PARP1: variants seen among roughly 807,000 people sequenced by gnomAD.
PARP1 encodes poly(ADP-ribose) polymerase 1.
In PARP1, 44 loss-of-function variants were observed where a neutral mutation model predicts 118.7. That is an observed-to-expected ratio of 0.37 (90% CI 0.29 to 0.48). The LOEUF (loss-of-function observed/expected upper bound fraction) is 0.48, where lower values mean the gene tolerates loss of function less well. Among genes scored for constraint, PARP1 ranks in the 20% least tolerant of loss-of-function variants. PARP1 has a pLI of 0.99. For synonymous variants in PARP1, 492 were observed against 483.2 expected (o/e 1.02, Z -0.24); for missense variants, 1,100 against 1,272.4 (o/e 0.86, Z 2.06).
At chr1:226,376,561 A>C (rs1664491426) in intron 13 of PARP1, among the ~76,000 whole-genome samples, 2 of 152,238 alleles carry the variant, frequency 1.3e-5, no homozygotes, top group African/African-American at 4.8e-5. Context: ...GGAGTAACTG[A>C]AAAGACTGTT....
intron 1 of PARP1, among the ~76,000 whole-genome samples, chr1:226,403,868 C>T (rs1665087001): frequency 6.6e-6 from 1 of 152,176 alleles, no homozygotes; most frequent in Non-Finnish European, 1.5e-5. Context: ...AGTAAATGTG[C>T]TGAATTTTTA....
rs1576399822 is a variant in PARP1 at position 226,390,396 on chromosome 1, A to C, written c.617+14T>G. The C allele has an allele frequency of 1.9e-6, 3 of 1,611,830 alleles. No homozygotes were observed. The highest frequency in any genetic ancestry group is 1.7e-6 in the Non-Finnish European group (2 of 1,179,104). ...CACTGAACCCCCAGGGCAACCCCGC[A>C]GTGCTCCACCCACCCTTCACTCTTG... On this transcript the variant is annotated intron_variant, in intron 4 of 22. Coordinates refer to ENST00000366794, the MANE Select transcript of PARP1 (RefSeq NM_001618.4).
At chr1:226,404,121 C>CTATG (rs1435050981) in intron 1 of PARP1, among the ~76,000 whole-genome samples, 1 of 152,174 alleles carries the variant, frequency 6.6e-6, no homozygotes, top group African/African-American at 2.4e-5. Flanking sequence ...TCACTAAGAA[C>CTATG]TATGCATTTG....
chr1:226,400,235 G>C (rs965639514), intron 2 of PARP1, among the ~76,000 whole-genome samples: 1 of 152,140 alleles, frequency 6.6e-6, no homozygotes, highest in Admixed American at 6.5e-5. Context: ...GGAGGCGGAG[G>C]TGGCAGTGAG....
At chr1:226,362,315 A>C in intron 21 of PARP1, 1 of 493,196 alleles carries the variant, frequency 2.0e-6, no homozygotes, top group Non-Finnish European at 3.7e-6. Context: ...CCTCCTGAGT[A>C]GCTGGGATTA....
chr1:226,407,395 T>A (rs1215694588), intron 1 of PARP1, among the ~76,000 whole-genome samples: 2 of 146,500 alleles, frequency 1.4e-5, no homozygotes, highest in East Asian at 2.0e-4. Context: ...AAAACCCACA[T>A]GTCAGTCGCC....
chr1:226,399,359 C>T (rs1237133628), intron 2 of PARP1, among the ~76,000 whole-genome samples: 1 of 151,896 alleles, frequency 6.6e-6, no homozygotes, highest in Non-Finnish European at 1.5e-5. Context: ...TGTGAGCCAC[C>T]GTGCCCGGCT....
rs888504826 is a variant in PARP1, at chr1:226,370,651, C to T, written c.2071-134G>A. ...GCCTGCTGGGATTTCCTGAGGACACCAGTGACCCAAATCCAGAGTCTGTAG... is the reference window on the plus strand; with the variant it reads ...GCCTGCTGGGATTTCCTGAGGACACTAGTGACCCAAATCCAGAGTCTGTAG... On this transcript the variant is annotated intron_variant, in intron 14 of 22. Transcript: ENST00000366794. The T allele has an allele frequency of 4.1e-6, 3 of 736,944 alleles. No homozygotes were observed. In the African/African-American group the frequency reaches 5.1e-5, roughly 13 times the overall value. 45.7% of individuals were successfully genotyped at this position (736,944 alleles called of 1,614,324 possible). A position where few individuals can be genotyped will look rare whatever the true frequency, so the allele number is the denominator to read the frequency against.
intron 15 of PARP1, 127 bp downstream of exon 15, chr1:226,370,307 G>A (rs1664354314): frequency 5.1e-6 from 4 of 776,978 alleles, no homozygotes; most frequent in Non-Finnish European, 7.1e-6. Context: ...CGAAACCCTC[G>A]TGAAGTGCAG....
At chr1:226,366,228 C>A in intron 17 of PARP1, 176 bp from the exon 18 acceptor site, 1 of 642,308 alleles carries the variant, frequency 1.6e-6, no homozygotes, top group Non-Finnish European at 2.8e-6. Context: ...CCAGTGGCTC[C>A]ACTTACCTAA....
intron 20 of PARP1, 133 bp downstream of exon 20, chr1:226,363,810 A>C: frequency 1.1e-6 from 1 of 934,988 alleles, no homozygotes; most frequent in Non-Finnish European, 1.7e-6. Flanking sequence ...ACTTATAAGA[A>C]AAGAATCCTA....
intron 13 of PARP1, among the ~76,000 whole-genome samples, chr1:226,376,697 CATTCT>C (rs1671624734): frequency 6.6e-6 from 1 of 152,200 alleles, no homozygotes; most frequent in Non-Finnish European, 1.5e-5. Context: ...TTTTGTCCTC[CATTCT>C]ATTCATATAT....
At chr1:226,373,840 G>A (rs1326458299) in intron 14 of PARP1, among the ~76,000 whole-genome samples, 1 of 152,110 alleles carries the variant, frequency 6.6e-6, no homozygotes, top group Admixed American at 6.5e-5. Flanking sequence ...AGGGTGGGCC[G>A]GGCACGATGG....
rs1664507317 is a variant in PARP1 at position 226,377,095 on chromosome 1, A to G, written c.1941+13T>C. 1 of 1,609,996 alleles carries G rather than the reference A, an allele frequency of 6.2e-7. No individual in the cohort carries two copies. The highest frequency in any genetic ancestry group is 1.7e-5 in the Admixed American group (1 of 60,016). ...TCCTAGAAGCAGACAGTGTAAGGGC[A>G]TTATGTGGTTACCTGGCCATAGTCA... On this transcript the variant is annotated intron_variant, in intron 13 of 22. Coordinates refer to ENST00000366794, the MANE Select transcript of PARP1 (RefSeq NM_001618.4).
At chr1:226,390,684 A>G in intron 3 of PARP1, 60 bp from the exon 4 acceptor site, 3 of 1,487,630 alleles carry the variant, frequency 2.0e-6, no homozygotes, top group Non-Finnish European at 1.9e-6. Context: ...TGAACATGAT[A>G]CGGGCAGCCT....
intron 1 of PARP1, among the ~76,000 whole-genome samples, chr1:226,403,690 T>C (rs1558244344): frequency 6.6e-6 from 1 of 152,164 alleles, no homozygotes; most frequent in Non-Finnish European, 1.5e-5. Context: ...ATGAATGATT[T>C]GACACTATGA....
rs568651480 is a variant in PARP1, at chr1:226,379,012, G to A, written c.1745+130C>T. ...AGCAAAGGCCTTATAATTTGTTTTT[G>A]ATCTCTGTGATTAGATTTCATTCCC... On this transcript the variant is annotated intron_variant, in intron 12 of 22. Transcript: ENST00000366794. 8 of 1,117,484 alleles carry A rather than the reference G, an allele frequency of 7.2e-6. No homozygotes were observed. In the African/African-American group the frequency reaches 7.6e-5, roughly 11 times the overall value. 69.2% of individuals were successfully genotyped at this position (1,117,484 alleles called of 1,614,324 possible). A position where few individuals can be genotyped will look rare whatever the true frequency, so the allele number is the denominator to read the frequency against.
rs1387014996 is a variant in PARP1, at chr1:226,386,418, T to C, written c.742A>G (p.Ile248Val). Reference sequence around the variant, plus strand: ...CACACTTTCTTTAGCTCGTCCTTGATGTTCCAGATCAGGTCGTTCTGAGCC... The same window carrying C: ...CACACTTTCTTTAGCTCGTCCTTGACGTTCCAGATCAGGTCGTTCTGAGCC... ...LKAQNDLIWNIKDELKKVCST... is the reference protein window; with the variant it reads ...LKAQNDLIWNVKDELKKVCST... Residue 248 changes from isoleucine (I) to valine (V), a missense_variant, in exon 6 of 23, where the codon ATC (isoleucine) becomes GTC (valine). This residue lies in a region of PARP1 where 948 missense variants were observed against 1,031.8 expected (regional missense o/e 0.92). Transcript: ENST00000366794. The C allele has an allele frequency of 2.5e-6, 4 of 1,613,568 alleles. No homozygotes were observed. The African/African-American group carries it at 4.0e-5, about 16-fold the overall frequency.
At position 226,374,178 on chromosome 1, in the gene PARP1, A is replaced by C. The variant is rs139795328; in HGVS notation, c.2070+48T>G. 1.9e-6 allele frequency: 3 copies of C among 1,608,940 alleles called. No homozygotes were observed. In the East Asian group the frequency reaches 6.7e-5, roughly 36 times the overall value. On this transcript the variant is annotated intron_variant, in intron 14 of 22. Coordinates refer to ENST00000366794, the MANE Select transcript of PARP1 (RefSeq NM_001618.4). Reference sequence around the variant, plus strand: ...ACAGCTCTTCACTAGCTCAGCAAATAATCATCCACAGCAAATGCTCACAGA... The same window carrying C: ...ACAGCTCTTCACTAGCTCAGCAAATCATCATCCACAGCAAATGCTCACAGA...
Sources: gnomAD v4.1 joint callset for allele counts (sites outside exome capture counted in the v4.1 genomes callset) on GRCh38, gnomAD v4.1.1 for gene constraint, gnomAD v4.1.1 regional missense constraint, MANE v1.5 for transcripts, NCBI Gene and HGNC (gene_info 2026-07-23, HGNC 2026-07-21) for gene names.